Variants in CPD observed in about 807,000 individuals in gnomAD.
CPD encodes the protein carboxypeptidase D.
Under a neutral mutation model 138.3 loss-of-function variants are expected in CPD, and 69 were observed. The observed-to-expected ratio is 0.50, with a 90% CI of 0.41 to 0.61. CPD has a LOEUF of 0.61. Ranked by LOEUF, CPD falls within the 20% of genes least tolerant of loss-of-function variation. The pLI, the probability that CPD is intolerant of heterozygous loss-of-function variation, is 0.00. For missense variants in CPD, 1,432 were observed against 1,733.3 expected, an observed-to-expected ratio of 0.83 and a Z score of 3.09; for synonymous variants, 651 against 642.1, an observed-to-expected ratio of 1.01 and a Z score of -0.21.
At chr17:30,388,105 G>T (rs2143311739) in intron 2 of CPD, among the ~76,000 whole-genome samples, 1 of 152,326 alleles carries the variant, frequency 6.6e-6, no homozygotes, top group Non-Finnish European at 1.5e-5. Context: ...GCTACCCTCT[G>T]GTTGTCCCAT....
At position 30,379,325 on chromosome 17, in the gene CPD, C is replaced by A. The variant is rs189835367; in HGVS notation, c.345C>A (p.Asp115Glu). ...TCCCTGAGGGCGACGCGGGGCCTGA[C>A]GCTGCCGGGCCCGACGCTGCGGGGC... ...SLIPEGDAGP[D>E]AAGPDAAGPL... Residue 115 changes from aspartate to glutamate, a missense_variant, in exon 1 of 21, where the codon GAC becomes GAA. Transcript: ENST00000225719. This position sits in a 1 kb window ranked among gnomAD's most constrained non-coding sequence, Gnocchi z 7.0. 2.7e-6 allele frequency: 4 copies of A among 1,490,476 alleles called. No homozygotes were observed. In the East Asian group the frequency reaches 1.1e-4, roughly 42 times the overall value. The allele number at this position is 1,490,476 out of a possible 1,614,324, so 92.3% of individuals were successfully genotyped here. A position where few individuals can be genotyped will look rare whatever the true frequency, so the allele number is the denominator to read the frequency against.
rs1042586652 is a variant in CPD at position 30,468,327 on chromosome 17, G to A, written c.*3513G>A. 6.6e-6 allele frequency: 1 copy of A among 152,534 alleles called. No homozygotes were observed. Among genetic ancestry groups the A allele is most frequent in the Non-Finnish European group, 1.5e-5 (1 of 67,982 alleles). 9.4% of individuals were successfully genotyped at this position (152,534 alleles called of 1,614,324 possible). A position where few individuals can be genotyped will look rare whatever the true frequency, so the allele number is the denominator to read the frequency against. ...CATGAGTGTACTAACTACCTTCTAT[G>A]CTGGCCATGCTACAGATTTTCTGGA... On this transcript the variant is annotated 3_prime_UTR_variant, in exon 21 of 21. Coordinates refer to ENST00000225719, the MANE Select transcript of CPD (RefSeq NM_001304.5).
intron 14 of CPD, among the ~76,000 whole-genome samples, chr17:30,452,695 T>C (rs759408500): frequency 3.3e-5 from 5 of 151,256 alleles, no homozygotes; most frequent in Non-Finnish European, 7.4e-5. Context: ...TAAACAGTGC[T>C]GCAGAGAACA....
At chr17:30,433,961 G>A (rs1198991100) in intron 8 of CPD, among the ~76,000 whole-genome samples, 1 of 152,124 alleles carries the variant, frequency 6.6e-6, no homozygotes, top group Non-Finnish European at 1.5e-5. Context: ...AAATGAGGAA[G>A]GTGATAATTA....
chr17:30,416,214 C>T (rs1445227118), intron 2 of CPD, among the ~76,000 whole-genome samples: 2 of 152,266 alleles, frequency 1.3e-5, no homozygotes, highest in East Asian at 3.9e-4. Context: ...TGCCTGTAAT[C>T]TCAGCTACTC....
chr17:30,385,392 A>G (rs1911156929), intron 2 of CPD, 156 bp downstream of exon 2: 1 of 878,022 alleles, frequency 1.1e-6, no homozygotes, highest in Non-Finnish European at 1.7e-6. Flanking sequence ...AAATTGAAGG[A>G]CTACATGAAG....
chr17:30,453,568 G>T (rs1280578369), intron 14 of CPD, among the ~76,000 whole-genome samples: 3 of 152,164 alleles, frequency 2.0e-5, no homozygotes, highest in Admixed American at 1.3e-4. Context: ...TTTTCCAGGG[G>T]CATGGTGCAA....
rs1312147467 is a variant in CPD at position 30,435,495 on chromosome 17, C to T, written c.2128-3480C>T. On this transcript the variant is annotated intron_variant, in intron 8 of 20. Coordinates refer to ENST00000225719, the MANE Select transcript of CPD (RefSeq NM_001304.5). ...TAAACTAGATACCTTCCTCACACCACACCCCAAAATTAGCTTAAAATAGGT... is the reference window on the plus strand; with the variant it reads ...TAAACTAGATACCTTCCTCACACCATACCCCAAAATTAGCTTAAAATAGGT... Among the ~76,000 whole-genome samples, 4 of 152,136 alleles carry T rather than the reference C, an allele frequency of 2.6e-5. No homozygotes were observed. The East Asian group carries it at 7.7e-4, about 29-fold the overall frequency.
chr17:30,467,372 G>A lies in CPD; in HGVS notation c.*2558G>A, dbSNP rs1317987715. 6.6e-6 allele frequency: 1 copy of A among 152,326 alleles called. No individual in the cohort carries two copies. Among genetic ancestry groups the A allele is most frequent in the African/African-American group, 2.4e-5 (1 of 41,428 alleles). The allele number at this position is 152,326 out of a possible 1,614,324, so 9.4% of individuals were successfully genotyped here. ...GTTCAAAGTGTCTGCCTGTGTACAT[G>A]TACTTGTATTGATTATGTAGTTCAG... On this transcript the variant is annotated 3_prime_UTR_variant, in exon 21 of 21. Coordinates refer to ENST00000225719, the MANE Select transcript of CPD (RefSeq NM_001304.5).
chr17:30,400,652 CTT>C (rs34301387), intron 2 of CPD, among the ~76,000 whole-genome samples: 33 of 57,578 alleles, frequency 5.7e-4, no homozygotes, highest in African/African-American at 2.6e-3. Flanking sequence ...TGCCATCATT[CTT>C]TTTTTTTTTT....
At chr17:30,430,031 C>G (rs188806831) in intron 7 of CPD, among the ~76,000 whole-genome samples, 41 of 152,110 alleles carry the variant, frequency 2.7e-4, no homozygotes, top group Non-Finnish European at 2.5e-4. Flanking sequence ...GAGTTATATT[C>G]TGGGGCAGAA....
At position 30,419,362 on chromosome 17, in the gene CPD, CAG is replaced by C. The variant is rs367629575; in HGVS notation, c.995-1476_995-1475del. 3.7e-4 allele frequency among the ~76,000 whole-genome samples: 57 copies of C among 152,204 alleles called. No homozygotes were observed. The East Asian group carries it at 9.5e-3, about 25-fold the overall frequency. The stretch of plus-strand genomic sequence containing the variant: ...CATGTTTTTGTTTTTGTTTTGGAGA[CAG>C]AGTCGCACTCTGTTGCCCAGGCTGG... On this transcript the variant is annotated intron_variant, in intron 2 of 20. Transcript: ENST00000225719.
rs1913015770 is a variant in CPD at position 30,445,883 on chromosome 17, G to A, written c.2736G>A (p.Glu912=). The part of the protein sequence containing the change: ...FETLIKDLSA[E]NGLESLMLRS... ...CTTTAATTAAAGACCTTTCAGCGGAGAATGGTTTGGAAAGCCTCATGTTAC... is the reference window on the plus strand; with the variant it reads ...CTTTAATTAAAGACCTTTCAGCGGAAAATGGTTTGGAAAGCCTCATGTTAC... The change falls in exon 12 of 21, where the codon GAG becomes GAA. Residue 912 remains glutamate, a synonymous_variant. Coordinates refer to ENST00000225719, the MANE Select transcript of CPD (RefSeq NM_001304.5). The A allele has an allele frequency of 2.5e-6, 4 of 1,614,144 alleles. No individual in the cohort carries two copies. Among genetic ancestry groups the A allele is most frequent in the Non-Finnish European group, 2.5e-6 (3 of 1,180,006 alleles).
rs776336030 is a variant in CPD, at chr17:30,442,292, AAT to A, written c.2231-15_2231-14del. 3.9e-5 allele frequency: 62 copies of A among 1,608,754 alleles called. No homozygotes were observed. The highest frequency in any genetic ancestry group is 2.2e-5 in the Non-Finnish European group (26 of 1,176,500). The stretch of plus-strand genomic sequence containing the variant: ...GAACTTCTTCAGAGTGACTAATTTT[AAT>A]TTTTATCTTTTAGGAGGAATGCAGG... On this transcript the variant is annotated splice_polypyrimidine_tract_variant and intron_variant, in intron 9 of 20. Transcript: ENST00000225719.
rs1193689039 is a variant in CPD, at chr17:30,379,137, G to A, written c.157G>A (p.Gly53Ser). ...TTSAGAEAAEGQFDRYYHEEE... is the reference protein window; with the variant it reads ...TTSAGAEAAESQFDRYYHEEE... The stretch of plus-strand genomic sequence containing the variant: ...GAGCGCGGGCGCCGAGGCGGCCGAG[G>A]GCCAGTTCGACCGCTACTACCACGA... Residue 53 changes from glycine (G) to serine (S), a missense_variant, in exon 1 of 21, where the codon GGC becomes AGC. Around this residue, in one of 6 missense-constraint regions of CPD, gnomAD observed 484 missense variants for 477.2 expected, o/e 1.01. Transcript: ENST00000225719. The surrounding 1 kb of genome is among the most constrained non-coding windows in gnomAD (Gnocchi z 7.0). 5.8e-6 allele frequency: 9 copies of A among 1,538,756 alleles called. No individual in the cohort carries two copies. Among genetic ancestry groups the A allele is most frequent in the Middle Eastern group, 1.7e-4 (1 of 5,950 alleles).
At chr17:30,412,549 C>T (rs1306235316) in intron 2 of CPD, among the ~76,000 whole-genome samples, 2 of 152,200 alleles carry the variant, frequency 1.3e-5, no homozygotes, top group African/African-American at 4.8e-5. Context: ...TCGAGCTTCC[C>T]AGCTGCTTTG....
At chr17:30,383,381 G>T (rs1390184166) in intron 1 of CPD, among the ~76,000 whole-genome samples, 2 of 152,166 alleles carry the variant, frequency 1.3e-5, no homozygotes, top group African/African-American at 4.8e-5. Context: ...CTGAGGTTCA[G>T]CGAATTTAAA....
intron 14 of CPD, among the ~76,000 whole-genome samples, chr17:30,452,889 CA>C (rs1257019788): frequency 1.3e-5 from 2 of 151,744 alleles, no homozygotes; most frequent in African/African-American, 4.8e-5. Flanking sequence ...ATGGTGGCAG[CA>C]AGAGAGTGTG....
intron 6 of CPD, among the ~76,000 whole-genome samples, chr17:30,424,561 A>G (rs1424371826): frequency 6.6e-6 from 1 of 152,200 alleles, no homozygotes; most frequent in African/African-American, 2.4e-5. Context: ...TTAAATCATT[A>G]TTTTGGGAAC....
Sources: gnomAD v4.1 joint callset for allele counts (sites outside exome capture counted in the v4.1 genomes callset) on GRCh38, gnomAD v4.1.1 for gene constraint, gnomAD v4.1.1 regional missense constraint, Gnocchi (gnomAD v3.1) non-coding constraint, MANE v1.5 for transcripts, NCBI Gene and HGNC (gene_info 2026-07-23, HGNC 2026-07-21) for gene names.